Variants in RUSC2 observed in about 807,000 individuals in gnomAD.
The protein encoded by RUSC2 is RUN and SH3 domain containing 2.
In RUSC2, 34 loss-of-function variants were observed where a neutral mutation model predicts 122.2. The ratio of observed to expected loss-of-function variants is 0.28; its 90% CI spans 0.21 to 0.37. RUSC2 has a LOEUF of 0.37. Among genes scored for constraint, RUSC2 ranks in the 10% least tolerant of loss-of-function variants. RUSC2 has a pLI of 1.00. For missense variants in RUSC2, 1,747 were observed against 1,952.4 expected, an observed-to-expected ratio of 0.89 and a Z score of 1.98; for synonymous variants, 784 against 790.0, an observed-to-expected ratio of 0.99 and a Z score of 0.13.
rs1346560988 is a variant in RUSC2, at chr9:35,561,531, T to TATTA, written c.*154_*157dup. 1.5e-6 allele frequency: 1 copy of TATTA among 654,028 alleles called. No individual in the cohort carries two copies. The highest frequency in any genetic ancestry group is 2.7e-5 in the East Asian group (1 of 36,734). 40.5% of individuals were successfully genotyped at this position (654,028 alleles called of 1,614,324 possible). A position where few individuals can be genotyped will look rare whatever the true frequency, so the allele number is the denominator to read the frequency against. On this transcript the variant is annotated 3_prime_UTR_variant, in exon 12 of 12. Transcript: ENST00000361226. ...GCTGGCACCTGCTCCCTGTGCTCAG[T>TATTA]ATTAATTACGCCCCCTTAACTGTCC...
intron 1 of RUSC2, among the ~76,000 whole-genome samples, chr9:35,522,263 GA>G (rs1340760438): frequency 6.6e-6 from 1 of 152,220 alleles, no homozygotes; most frequent in East Asian, 1.9e-4. Flanking sequence ...CATGAAAAAA[GA>G]GAGATGTTTC....
chr9:35,555,694 C>T lies in RUSC2; in HGVS notation c.2649C>T (p.Pro883=), dbSNP rs1822001370. The change falls in exon 3 of 12, where the codon CCC becomes CCT. Residue 883 remains proline (P), a synonymous_variant. Transcript: ENST00000361226. The surrounding 1 kb of genome is among the most constrained non-coding windows in gnomAD (Gnocchi z 4.6). ...GGGEGSMATR[P]SNANHLSPQA... ...GTGAGGGCAGCATGGCCACCAGGCC[C>T]AGTAATGGTACGAGCTCCAGCATCT... The T allele has an allele frequency of 6.3e-7, 1 of 1,587,124 alleles. No homozygotes were observed. Among genetic ancestry groups the T allele is most frequent in the African/African-American group, 1.4e-5 (1 of 73,690 alleles).
Position 35,561,218 on chromosome 9 carries a change from C to T in RUSC2, c.4387C>T (p.Pro1463Ser), listed in dbSNP as rs140944136. 20 of 1,614,044 alleles carry T rather than the reference C, an allele frequency of 1.2e-5. No homozygotes were observed. The highest frequency in any genetic ancestry group is 1.7e-5 in the Admixed American group (1 of 60,006). ...ACTGTGCCACCACCTGGCCACCGGC[C>T]CTGGACAGCTGAGCTTCCACAAAGG... ...QALCHHLATG[P>S]GQLSFHKGDI... Residue 1463 changes from proline to serine, a missense_variant, in exon 12 of 12, where the codon CCT (proline) becomes TCT (serine). By Grantham distance (74) the Pro-to-Ser change is moderately conservative. Coordinates refer to ENST00000361226, the MANE Select transcript of RUSC2 (RefSeq NM_014806.5).
Position 35,555,808 on chromosome 9 carries a change from G to A in RUSC2, c.2656+107G>A. 6.8e-7 allele frequency: 1 copy of A among 1,472,002 alleles called. No individual in the cohort carries two copies. Among genetic ancestry groups the A allele is most frequent in the Non-Finnish European group, 9.1e-7 (1 of 1,096,506 alleles). 91.2% of individuals were successfully genotyped at this position (1,472,002 alleles called of 1,614,324 possible). A position where few individuals can be genotyped will look rare whatever the true frequency, so the allele number is the denominator to read the frequency against. ...ACTCTCACCTGGGGCCAGAGGTTAG[G>A]ATGTCTGCATCCCTCCCTCAGCATC... On this transcript the variant is annotated intron_variant, in intron 3 of 11. Coordinates refer to ENST00000361226, the MANE Select transcript of RUSC2 (RefSeq NM_014806.5). The surrounding 1 kb of genome is among the most constrained non-coding windows in gnomAD (Gnocchi z 4.6).
chr9:35,517,927 T>C (rs1587844666), intron 1 of RUSC2, among the ~76,000 whole-genome samples: 1 of 152,210 alleles, frequency 6.6e-6, no homozygotes, highest in East Asian at 1.9e-4. Context: ...GTTAGTCCTT[T>C]TACTAGATGG....
At chr9:35,494,655 A>G (rs898954670) in intron 1 of RUSC2, among the ~76,000 whole-genome samples, 6 of 151,678 alleles carry the variant, frequency 4.0e-5, no homozygotes. Flanking sequence ...TTTGTCGTTG[A>G]GTTGTAAGAG....
chr9:35,557,881 C>G lies in RUSC2; in HGVS notation c.2984-33C>G. On this transcript the variant is annotated intron_variant, in intron 5 of 11. Transcript: ENST00000361226. The surrounding 1 kb of genome is among the most constrained non-coding windows in gnomAD (Gnocchi z 4.6). ...CAGCTGAGTTGGTTAAGGACTTGCT[C>G]AGGGACCTGTCACATCACATTCTTC... The G allele has an allele frequency of 6.2e-7, 1 of 1,603,400 alleles. No individual in the cohort carries two copies. The highest frequency in any genetic ancestry group is 8.5e-7 in the Non-Finnish European group (1 of 1,170,208).
intron 1 of RUSC2, among the ~76,000 whole-genome samples, chr9:35,541,025 G>A (rs1821632732): frequency 6.6e-6 from 1 of 152,112 alleles, no homozygotes; most frequent in Non-Finnish European, 1.5e-5. Context: ...TTTAATAAAT[G>A]ATCACTTATA....
intron 1 of RUSC2, among the ~76,000 whole-genome samples, chr9:35,516,724 C>G (rs1280518343): frequency 2.6e-5 from 4 of 152,144 alleles, no homozygotes; most frequent in Non-Finnish European, 5.9e-5. Context: ...GCAGGCCCAC[C>G]AGGGTCAGAA....
In RUSC2 at chr9:35,548,770, C is replaced by G. The variant is rs1821828255; in HGVS notation, c.2014+235C>G. 2.0e-6 allele frequency: 2 copies of G among 983,138 alleles called. No individual in the cohort carries two copies. The highest frequency in any genetic ancestry group is 6.2e-5 in the Admixed American group (1 of 16,256). 60.9% of individuals were successfully genotyped at this position (983,138 alleles called of 1,614,324 possible). ...GCAGACTGGGTGCAGTGACTCACAC[C>G]TGTGATCCCAGCCCTTTGGGAGGCC... On this transcript the variant is annotated intron_variant, in intron 2 of 11. Transcript: ENST00000361226. The surrounding 1 kb of genome is among the most constrained non-coding windows in gnomAD (Gnocchi z 4.5).
At chr9:35,537,798 G>A (rs539713824) in intron 1 of RUSC2, among the ~76,000 whole-genome samples, 1 of 152,342 alleles carries the variant, frequency 6.6e-6, no homozygotes, top group South Asian at 2.1e-4. Flanking sequence ...GGAACCCTAG[G>A]CAGGGCTAGT....
intron 1 of RUSC2, among the ~76,000 whole-genome samples, chr9:35,536,447 C>T (rs1384866063): frequency 6.6e-6 from 1 of 152,106 alleles, no homozygotes; most frequent in African/African-American, 2.4e-5. Flanking sequence ...ACAAATACAA[C>T]AGAGTGGAAA....
At chr9:35,519,946 C>T (rs1435076688) in intron 1 of RUSC2, among the ~76,000 whole-genome samples, 1 of 152,038 alleles carries the variant, frequency 6.6e-6, no homozygotes, top group Non-Finnish European at 1.5e-5. Context: ...GTCTTAACAC[C>T]AAAATCCATG....
At chr9:35,515,324 A>G (rs932529422) in intron 1 of RUSC2, among the ~76,000 whole-genome samples, 1 of 152,168 alleles carries the variant, frequency 6.6e-6, no homozygotes, top group Non-Finnish European at 1.5e-5. Context: ...CTACCATGTA[A>G]AAGTGTCATA....
chr9:35,550,548 C>G (rs944008360), intron 2 of RUSC2, among the ~76,000 whole-genome samples: 1 of 150,938 alleles, frequency 6.6e-6, no homozygotes, highest in African/African-American at 2.4e-5. Context: ...ATCGCTTGAA[C>G]CCAGGAGACA....
chr9:35,490,849 G>A (rs1820552462), intron 1 of RUSC2, among the ~76,000 whole-genome samples: 1 of 152,184 alleles, frequency 6.6e-6, no homozygotes, highest in East Asian at 1.9e-4. Context: ...CCTCCAGGCC[G>A]GCCCTGCGGA....
In RUSC2 at chr9:35,555,887, T is replaced by C. The variant is rs1254092125; in HGVS notation, c.2657-65T>C. 2 of 1,566,356 alleles carry C rather than the reference T, an allele frequency of 1.3e-6. No homozygotes were observed. The highest frequency in any genetic ancestry group is 1.4e-5 in the African/African-American group (1 of 73,570). ...GTTTCATATGGGCCCACTGGGTGGA[T>C]GTGAAACTCTGTCTCGCTGTCTCCT... On this transcript the variant is annotated intron_variant, in intron 3 of 11. Transcript: ENST00000361226. The surrounding 1 kb of genome is among the most constrained non-coding windows in gnomAD (Gnocchi z 4.6).
Position 35,550,495 on chromosome 9 carries a change from G to A in RUSC2, c.2014+1960G>A, listed in dbSNP as rs35883398. ...ACAAAAATTAGCCGGGTGTGGTGGT[G>A]CACGCCTGTAATCCCAGCGACATGG... On this transcript the variant is annotated intron_variant, in intron 2 of 11. Transcript: ENST00000361226. Among the ~76,000 whole-genome samples, 845 of 151,864 alleles carry A rather than the reference G, an allele frequency of 5.6e-3. 5 individuals carry two copies. The highest frequency in any genetic ancestry group is 8.3e-3 in the Admixed American group (126 of 15,252).
intron 1 of RUSC2, among the ~76,000 whole-genome samples, chr9:35,535,698 C>T (rs1461012256): frequency 6.6e-6 from 1 of 151,968 alleles, no homozygotes; most frequent in African/African-American, 2.4e-5. Context: ...ACCACCACGC[C>T]CGGCTAATTT....
Sources: allele counts gnomAD v4.1 joint callset (sites outside exome capture counted in the v4.1 genomes callset), GRCh38; gene constraint gnomAD v4.1.1; non-coding constraint Gnocchi (gnomAD v3.1); transcripts MANE v1.5; gene names NCBI Gene and HGNC (gene_info 2026-07-23, HGNC 2026-07-21).